LUZP2: variants seen among roughly 807,000 people sequenced by gnomAD.
LUZP2 encodes leucine zipper protein 2.
A neutral mutation model predicts 51.6 loss-of-function variants in LUZP2; 52 were observed. The observed-to-expected ratio is 1.01, with a 90% CI of 0.81 to 1.27. The LOEUF is 1.27. LUZP2 is among the 50% of genes most tolerant of loss of function. The probability of loss-of-function intolerance (pLI) is 0.00; values close to 1 mark genes in which losing one functional copy is unlikely to be tolerated. For missense variants in LUZP2, 436 were observed against 395.4 expected (o/e 1.10, Z -0.87); for synonymous variants, 154 against 137.3 (o/e 1.12, Z -0.85).
At position 24,604,169 on chromosome 11, in the gene LUZP2, C is replaced by A. The variant is rs936827721; in HGVS notation, c.62+106864C>A. On this transcript the variant is annotated intron_variant, in intron 1 of 11. Transcript: ENST00000336930. ...ATTCTGTGTTATTTTGTATTTTCTG[C>A]CATATCTTAACAGTGTAGTCTGCTT... is the stretch of plus-strand genomic sequence containing the variant. Among the ~76,000 whole-genome samples the A allele has an allele frequency of 9.6e-4, 146 of 151,914 alleles. 2 individuals carry two copies. Among genetic ancestry groups the A allele is most frequent in the Non-Finnish European group, 2.5e-4 (17 of 67,770 alleles).
chr11:24,551,274 T>A (rs1481370234), intron 1 of LUZP2, among the ~76,000 whole-genome samples: 1 of 152,110 alleles, frequency 6.6e-6, no homozygotes, highest in Non-Finnish European at 1.5e-5. Flanking sequence ...AATAAAGTAC[T>A]GATCTATGTT....
At chr11:24,786,554 G>C in intron 5 of LUZP2, 2 of 431,228 alleles carry the variant, frequency 4.6e-6, no homozygotes, top group Non-Finnish European at 6.1e-6. Context: ...ATATAAACAG[G>C]TGTATATAAT....
At chr11:24,920,925 T>A (rs980530335) in intron 7 of LUZP2, among the ~76,000 whole-genome samples, 1 of 152,042 alleles carries the variant, frequency 6.6e-6, no homozygotes, top group Admixed American at 6.6e-5. Flanking sequence ...AAATTGCACT[T>A]ACACCCCTTA....
chr11:24,602,227 CAT>C (rs1491168057), intron 1 of LUZP2, among the ~76,000 whole-genome samples: 2 of 112,116 alleles, frequency 1.8e-5, no homozygotes, highest in South Asian at 2.7e-4. Context: ...TATATATGTA[CAT>C]ATATGTGTAT....
At chr11:24,923,104 T>C (rs1854121597) in intron 7 of LUZP2, among the ~76,000 whole-genome samples, 1 of 151,846 alleles carries the variant, frequency 6.6e-6, no homozygotes, top group South Asian at 2.1e-4. Context: ...TGCTTCGGCC[T>C]CCCAAAGTTC....
At chr11:25,055,134 C>CATCAGAACATCTGAAGAGGTTGGCT (rs1448357888) in intron 10 of LUZP2, among the ~76,000 whole-genome samples, 1 of 150,846 alleles carries the variant, frequency 6.6e-6, no homozygotes, top group Non-Finnish European at 1.5e-5. Flanking sequence ...CCTCAGCCTC[C>CATCAGAACATCTGAAGAGGTTGGCT]TGAGTAGCTG....
At chr11:24,560,460 G>A (rs1047148302) in intron 1 of LUZP2, among the ~76,000 whole-genome samples, 1 of 152,050 alleles carries the variant, frequency 6.6e-6, no homozygotes, top group Non-Finnish European at 1.5e-5. Flanking sequence ...AATAAAGAGG[G>A]TGACAAGGTG....
chr11:24,728,316 A>G (rs1858568312), intron 1 of LUZP2, among the ~76,000 whole-genome samples: 1 of 63,028 alleles, frequency 1.6e-5, no homozygotes, highest in Non-Finnish European at 4.1e-5. Context: ...TTAAACACAA[A>G]CACACACACA....
intron 1 of LUZP2, among the ~76,000 whole-genome samples, chr11:24,533,609 T>TTTGC (rs1851080590): frequency 2.6e-5 from 4 of 151,326 alleles, no homozygotes; most frequent in Non-Finnish European, 5.9e-5. Context: ...AAAGTAAAAC[T>TTTGC]TATCCTTGCT....
At chr11:24,673,491 A>G (rs1257823365) in intron 1 of LUZP2, among the ~76,000 whole-genome samples, 1 of 152,138 alleles carries the variant, frequency 6.6e-6, no homozygotes, top group African/African-American at 2.4e-5. Context: ...TAAGAGATTT[A>G]TACTTTGATT....
intron 1 of LUZP2, among the ~76,000 whole-genome samples, chr11:24,535,851 G>A (rs1222044705): frequency 2.0e-5 from 3 of 151,492 alleles, no homozygotes; most frequent in Non-Finnish European, 4.4e-5. Flanking sequence ...AATTTCCTTT[G>A]CTCATGTCTA....
intron 1 of LUZP2, among the ~76,000 whole-genome samples, chr11:24,548,781 G>A (rs1912138): frequency 0.57 from 86,950 of 151,804 alleles, 25,374 homozygotes; most frequent in East Asian, 0.71. Flanking sequence ...ATACTAAAAT[G>A]TCTGTTAAAA....
chr11:24,811,744 G>A (rs1850029959), intron 5 of LUZP2, among the ~76,000 whole-genome samples: 1 of 151,986 alleles, frequency 6.6e-6, no homozygotes, highest in Admixed American at 6.6e-5. Context: ...TTTCACTCTA[G>A]CCCAAACTAT....
chr11:25,000,102 G>T (rs946589842), intron 9 of LUZP2, among the ~76,000 whole-genome samples: 23 of 99,516 alleles, frequency 2.3e-4, no homozygotes, highest in African/African-American at 4.9e-4. Context: ...GATTGGTGCG[G>T]TTACAAACCT....
intron 5 of LUZP2, among the ~76,000 whole-genome samples, chr11:24,770,692 G>T (rs1029433861): frequency 2.0e-5 from 3 of 152,112 alleles, no homozygotes; most frequent in African/African-American, 7.2e-5. Flanking sequence ...GGAATATGAT[G>T]AATAAAACAT....
chr11:25,028,689 T>G (rs1590853599), intron 9 of LUZP2, among the ~76,000 whole-genome samples: 1 of 139,448 alleles, frequency 7.2e-6, no homozygotes, highest in East Asian at 2.0e-4. Context: ...TTAATTTGCA[T>G]GTTTTTTTTT....
At chr11:24,950,052 G>A (rs1191076020) in intron 7 of LUZP2, among the ~76,000 whole-genome samples, 1 of 149,922 alleles carries the variant, frequency 6.7e-6, no homozygotes, top group Non-Finnish European at 1.5e-5. Flanking sequence ...TACCCATGAT[G>A]GATGGGTATA....
intron 1 of LUZP2, among the ~76,000 whole-genome samples, chr11:24,569,515 G>A (rs1267786418): frequency 6.6e-6 from 1 of 151,928 alleles, no homozygotes; most frequent in Admixed American, 6.6e-5. Flanking sequence ...ACCACATGTT[G>A]AATAGCAAAC....
chr11:24,979,543 CTT>C (rs1316726124), intron 8 of LUZP2, among the ~76,000 whole-genome samples: 1 of 151,744 alleles, frequency 6.6e-6, no homozygotes, highest in East Asian at 1.9e-4. Context: ...ATGAAAAACT[CTT>C]AACACTTCAA....
Sources: allele counts gnomAD v4.1 joint callset (sites outside exome capture counted in the v4.1 genomes callset), GRCh38; gene constraint gnomAD v4.1.1; transcripts MANE v1.5; gene names NCBI Gene and HGNC (gene_info 2026-07-23, HGNC 2026-07-21).